The following GPLD1 variants were observed in gnomAD, a reference collection of about 807,000 sequenced individuals.
The protein encoded by GPLD1 is glycosylphosphatidylinositol specific phospholipase D1, also known as phosphatidylinositol-glycan-specific phospholipase D.
In GPLD1, 84 loss-of-function variants were observed where a neutral mutation model predicts 112.6. The observed-to-expected ratio is 0.75, with a 90% CI of 0.63 to 0.89. The LOEUF (loss-of-function observed/expected upper bound fraction) is 0.89. Ranked by LOEUF, GPLD1 falls within the 40% of genes least tolerant of loss-of-function variation. The probability of loss-of-function intolerance (pLI) is 0.00; values close to 1 mark genes in which losing one functional copy is unlikely to be tolerated. For synonymous variants in GPLD1, 386 were observed against 403.8 expected (o/e 0.96, Z 0.53); for missense variants, 1,044 against 1,051.5 (o/e 0.99, Z 0.10).
chr6:24,434,644 TGG>T (rs1360800118), intron 22 of GPLD1, among the ~76,000 whole-genome samples: 1 of 151,840 alleles, frequency 6.6e-6, no homozygotes, highest in East Asian at 2.0e-4. Context: ...AAGACCATCG[TGG>T]CTAACACGGT....
intron 1 of GPLD1, among the ~76,000 whole-genome samples, 155 bp downstream of exon 1, chr6:24,489,260 T>G (rs1288962019): frequency 6.6e-6 from 1 of 152,206 alleles, no homozygotes; most frequent in East Asian, 1.9e-4. Flanking sequence ...CCTGGATGAC[T>G]GCAATCACCG....
intron 15 of GPLD1, 23 bp from the exon 16 acceptor site, chr6:24,448,231 T>A (rs13191455): frequency 2.0e-6 from 3 of 1,526,372 alleles, no homozygotes; most frequent in Non-Finnish European, 2.7e-6. Flanking sequence ...AAACAGCAGA[T>A]AGACATGAGG....
chr6:24,430,470 C>A (rs986094923), intron 24 of GPLD1, among the ~76,000 whole-genome samples: 5 of 152,202 alleles, frequency 3.3e-5, no homozygotes, highest in African/African-American at 1.2e-4. Flanking sequence ...TCTCAGGTTT[C>A]TTTGTCTATC....
upstream of GPLD1, chr6:24,489,752 A>C (rs76421334): frequency 0.12 from 65,492 of 529,672 alleles, 4,610 homozygotes; most frequent in Middle Eastern, 0.21. Context: ...TTGGGAGGAT[A>C]AACTGAAATC....
intron 13 of GPLD1, 39 bp from the exon 14 acceptor site, chr6:24,454,240 G>T (rs367578492): frequency 6.8e-7 from 1 of 1,465,288 alleles, no homozygotes; most frequent in Non-Finnish European, 9.3e-7. Flanking sequence ...TATGCACTGA[G>T]CACTAGGGTT....
intron 7 of GPLD1, among the ~76,000 whole-genome samples, chr6:24,469,456 T>G (rs1763725978): frequency 9.6e-6 from 1 of 103,964 alleles, no homozygotes; most frequent in Non-Finnish European, 1.9e-5. Context: ...CCATAAAAAA[T>G]GATGAGTTCA....
chr6:24,470,691 C>CA (rs1763786822), intron 7 of GPLD1, among the ~76,000 whole-genome samples: 1 of 152,142 alleles, frequency 6.6e-6, no homozygotes, highest in African/African-American at 2.4e-5. Context: ...CTCCGCCTCC[C>CA]AGGTTCAAGT....
chr6:24,490,773 A>G (rs7759431), upstream of GPLD1, among the ~76,000 whole-genome samples: 9,179 of 151,966 alleles, frequency 0.06, 824 homozygotes, highest in African/African-American at 0.2. Context: ...AAGAAAAGAA[A>G]AAAAGAAAGT....
At chr6:24,436,787 T>A (rs746512504) in intron 21 of GPLD1, 51 bp from the exon 22 acceptor site, 2 of 1,573,654 alleles carry the variant, frequency 1.3e-6, no homozygotes, top group Admixed American at 1.7e-5. Flanking sequence ...CTCACTGTCA[T>A]CTTTTCCTTG....
chr6:24,453,653 T>C (rs1007131409), intron 14 of GPLD1, among the ~76,000 whole-genome samples: 4 of 151,552 alleles, frequency 2.6e-5, no homozygotes, highest in Non-Finnish European at 5.9e-5. Context: ...AATAAATTAA[T>C]TAATTAAAAT....
rs1166415712 is a variant in GPLD1 at position 24,425,847 on chromosome 6, C to A, written c.*3185G>T. On this transcript the variant is annotated 3_prime_UTR_variant, in exon 25 of 25. Coordinates refer to ENST00000230036, the MANE Select transcript of GPLD1 (RefSeq NM_001503.4). ...CACTAACCAATTTTATATTAAAAAG[C>A]TATTTATTTTGGTGAGTTATTCCAA... 2 of 152,166 alleles carry A rather than the reference C, an allele frequency of 1.3e-5. No homozygotes were observed. Among genetic ancestry groups the A allele is most frequent in the African/African-American group, 4.8e-5 (2 of 41,440 alleles). The allele number at this position is 152,166 out of a possible 1,614,324, so 9.4% of individuals were successfully genotyped here.
chr6:24,443,335 T>C (rs566614617), intron 20 of GPLD1, among the ~76,000 whole-genome samples: 23 of 152,172 alleles, frequency 1.5e-4, no homozygotes, highest in African/African-American at 2.6e-4. Flanking sequence ...GAGGTAACGA[T>C]TGGTCAGCTG....
intron 14 of GPLD1, among the ~76,000 whole-genome samples, chr6:24,452,632 C>G (rs1763127582): frequency 1.3e-5 from 2 of 152,014 alleles, no homozygotes; most frequent in African/African-American, 4.8e-5. Flanking sequence ...AAAAATTAGC[C>G]GGGCATGGCG....
intron 22 of GPLD1, among the ~76,000 whole-genome samples, chr6:24,433,759 T>C (rs1265285887): frequency 6.6e-6 from 1 of 152,106 alleles, no homozygotes; most frequent in Non-Finnish European, 1.5e-5. Context: ...CCTCCCAAAG[T>C]GCTGGGATTA....
intron 6 of GPLD1, 75 bp from the exon 7 acceptor site, chr6:24,472,711 T>G: frequency 1.2e-6 from 1 of 812,828 alleles, no homozygotes; most frequent in Admixed American, 1.9e-5. Flanking sequence ...ACATGAGGTC[T>G]GACAAGTTGG....
chr6:24,452,550 C>T (rs760761529), intron 14 of GPLD1, among the ~76,000 whole-genome samples: 65 of 152,030 alleles, frequency 4.3e-4, no homozygotes, highest in Non-Finnish European at 8.4e-4. Flanking sequence ...CTGAGGCGGA[C>T]GGACCACCTG....
At chr6:24,475,637 A>T (rs1214827069) in intron 4 of GPLD1, among the ~76,000 whole-genome samples, 5 of 150,508 alleles carry the variant, frequency 3.3e-5, no homozygotes, top group Non-Finnish European at 7.4e-5. Context: ...GAGGTCAGGA[A>T]ATCGAGACCA....
intron 2 of GPLD1, among the ~76,000 whole-genome samples, chr6:24,484,522 T>G (rs931962079): frequency 2.6e-5 from 4 of 152,220 alleles, no homozygotes; most frequent in African/African-American, 7.2e-5. Flanking sequence ...GGCCTATTTC[T>G]GAGGATGACA....
At chr6:24,442,400 T>G in intron 20 of GPLD1, among the ~76,000 whole-genome samples, 1 of 145,534 alleles carries the variant, frequency 6.9e-6, no homozygotes, top group Admixed American at 7.2e-5. Context: ...GGACCAGAGG[T>G]GCATGCCACC....
Sources: gnomAD v4.1 joint callset for allele counts (sites outside exome capture counted in the v4.1 genomes callset) on GRCh38, gnomAD v4.1.1 for gene constraint, MANE v1.5 for transcripts, NCBI Gene and HGNC (gene_info 2026-07-23, HGNC 2026-07-21) for gene names.